The following CTNNA2 variants were observed in gnomAD, a reference collection of about 807,000 sequenced individuals.
CTNNA2 encodes catenin alpha-2.
Under a neutral mutation model 101.0 loss-of-function variants are expected in CTNNA2, and 42 were observed. That is an observed-to-expected ratio of 0.42 (90% CI 0.32 to 0.54). The LOEUF is 0.54. Among genes scored for constraint, CTNNA2 ranks in the 20% least tolerant of loss-of-function variants. The pLI is 0.14. For missense variants in CTNNA2, 871 were observed against 1,223.1 expected, an observed-to-expected ratio of 0.71 and a Z score of 4.29; for synonymous variants, 450 against 456.4, an observed-to-expected ratio of 0.99 and a Z score of 0.18.
intron 7 of CTNNA2, among the ~76,000 whole-genome samples, chr2:80,281,348 A>T (rs2149160771): frequency 6.6e-6 from 1 of 152,272 alleles, no homozygotes; most frequent in East Asian, 1.9e-4. Context: ...TAAAAAGGTC[A>T]GCTTCTGAGG....
rs1017151345 is a variant in CTNNA2, at chr2:80,302,018, A to C, written c.1057-91193A>C. The C allele has an allele frequency of 1.7e-5, 8 of 474,248 alleles. No homozygotes were observed. The highest frequency in any genetic ancestry group is 2.2e-5 in the Non-Finnish European group (6 of 274,158). 29.4% of individuals were successfully genotyped at this position (474,248 alleles called of 1,614,324 possible). A position where few individuals can be genotyped will look rare whatever the true frequency, so the allele number is the denominator to read the frequency against. Reference sequence around the variant, plus strand: ...GGAAGGAGTTCTCATATGAAATTTAAGATAGACTGTCCTGAAGGTTGTGGG... The same window carrying C: ...GGAAGGAGTTCTCATATGAAATTTACGATAGACTGTCCTGAAGGTTGTGGG... On this transcript the variant is annotated intron_variant, in intron 7 of 18. Transcript: ENST00000402739. The surrounding 1 kb of genome is among the most constrained non-coding windows in gnomAD (Gnocchi z 6.4).
chr2:79,268,615 G>A (rs1573007292), intron 2 of CTNNA2, among the ~76,000 whole-genome samples: 1 of 152,074 alleles, frequency 6.6e-6, no homozygotes, highest in Non-Finnish European at 1.5e-5. Context: ...GAAGCCAGGG[G>A]CAGTCTTGAG....
At chr2:79,588,520 C>G (rs1330909517) in intron 1 of CTNNA2, among the ~76,000 whole-genome samples, 10 of 152,050 alleles carry the variant, frequency 6.6e-5, no homozygotes. Flanking sequence ...TTTCTTATAA[C>G]TAAATGATAT....
intron 6 of CTNNA2, among the ~76,000 whole-genome samples, chr2:79,878,659 T>TC (rs1336152032): frequency 6.6e-6 from 1 of 152,208 alleles, no homozygotes; most frequent in East Asian, 1.9e-4. Flanking sequence ...TCATATCCTT[T>TC]CTCCACTTTT....
chr2:79,448,242 C>G (rs1678854501), intron 4 of CTNNA2, among the ~76,000 whole-genome samples: 1 of 151,988 alleles, frequency 6.6e-6, no homozygotes, highest in Non-Finnish European at 1.5e-5. Flanking sequence ...AGGAAACTCT[C>G]TCTGTATTTT....
chr2:79,189,331 A>G (rs1673822395), intron 1 of CTNNA2, among the ~76,000 whole-genome samples: 2 of 152,134 alleles, frequency 1.3e-5, no homozygotes, highest in South Asian at 4.1e-4. Flanking sequence ...GATTTTTTTC[A>G]AAGTGCCAAT....
intron 15 of CTNNA2, among the ~76,000 whole-genome samples, chr2:80,597,795 C>T (rs1452246007): frequency 3.9e-5 from 6 of 151,976 alleles, no homozygotes; most frequent in Non-Finnish European, 2.9e-5. Context: ...GTCAGAATGG[C>T]GATCATTAAA....
chr2:80,552,250 A>G (rs1458951193), intron 11 of CTNNA2, among the ~76,000 whole-genome samples: 1 of 152,176 alleles, frequency 6.6e-6, no homozygotes, highest in African/African-American at 2.4e-5. Context: ...ACAGGAAATG[A>G]GCACATGCTG....
At chr2:79,241,275 C>G (rs937416118) in intron 2 of CTNNA2, among the ~76,000 whole-genome samples, 1 of 151,920 alleles carries the variant, frequency 6.6e-6, no homozygotes, top group African/African-American at 2.4e-5. Context: ...CCTCATATGG[C>G]AATTGAAGAA....
chr2:80,213,189 A>C (rs2149039441), intron 7 of CTNNA2, among the ~76,000 whole-genome samples: 1 of 152,130 alleles, frequency 6.6e-6, no homozygotes, highest in Non-Finnish European at 1.5e-5. Flanking sequence ...GATTTTTTGA[A>C]GGGTTTTTTG....
intron 1 of CTNNA2, among the ~76,000 whole-genome samples, chr2:79,593,440 A>C (rs757466705): frequency 6.6e-6 from 1 of 152,152 alleles, no homozygotes; most frequent in Non-Finnish European, 1.5e-5. Context: ...TAAGCTTTAC[A>C]TTTCCGGTGT....
chr2:80,093,636 T>G lies in CTNNA2; in HGVS notation c.1056+183839T>G, dbSNP rs566564703. Among the ~76,000 whole-genome samples, 6 of 152,006 alleles carry G rather than the reference T, an allele frequency of 3.9e-5. No individual in the cohort carries two copies. In the South Asian group the frequency reaches 1.3e-3, roughly 32 times the overall value. On this transcript the variant is annotated intron_variant, in intron 7 of 18. Transcript: ENST00000402739. Reference sequence around the variant, plus strand: ...AGTCCCACCAACAGAGTAAAAGTGTTCCTATTTCTCCACATCCTCTCCAGC... The same window carrying G: ...AGTCCCACCAACAGAGTAAAAGTGTGCCTATTTCTCCACATCCTCTCCAGC...
At chr2:80,351,805 C>A (rs1673325928) in intron 7 of CTNNA2, among the ~76,000 whole-genome samples, 1 of 152,186 alleles carries the variant, frequency 6.6e-6, no homozygotes, top group South Asian at 2.1e-4. Flanking sequence ...CTAATTTTAT[C>A]TTTTTTCCAT....
intron 9 of CTNNA2, among the ~76,000 whole-genome samples, chr2:80,508,662 A>G (rs190278976): frequency 6.9e-6 from 1 of 145,502 alleles, no homozygotes; most frequent in East Asian, 2.0e-4. Context: ...GAACTGTGCT[A>G]TGGGATTTAT....
chr2:79,868,373 C>G (rs868696405), intron 4 of CTNNA2, among the ~76,000 whole-genome samples: 8 of 152,270 alleles, frequency 5.3e-5, no homozygotes, highest in Non-Finnish European at 8.8e-5. Context: ...CAACTCTTTC[C>G]TTACTAAAAT....
intron 3 of CTNNA2, among the ~76,000 whole-genome samples, chr2:79,342,895 T>G (rs1677169642): frequency 6.6e-6 from 1 of 152,188 alleles, no homozygotes; most frequent in African/African-American, 2.4e-5. Flanking sequence ...TAATACTCTT[T>G]AAGGGGCTAG....
At chr2:79,752,432 G>A (rs914356343) in intron 3 of CTNNA2, among the ~76,000 whole-genome samples, 5 of 152,126 alleles carry the variant, frequency 3.3e-5, no homozygotes, top group African/African-American at 1.2e-4. Flanking sequence ...CTAGACAGGT[G>A]TCATTAATTA....
chr2:80,510,975 C>A (rs1688660720), intron 9 of CTNNA2, among the ~76,000 whole-genome samples: 1 of 152,112 alleles, frequency 6.6e-6, no homozygotes, highest in Non-Finnish European at 1.5e-5. Flanking sequence ...CACTGTATTG[C>A]CCTTCCCAGG....
chr2:79,974,752 T>A (rs1301302734), intron 7 of CTNNA2, among the ~76,000 whole-genome samples: 1 of 152,134 alleles, frequency 6.6e-6, no homozygotes, highest in African/African-American at 2.4e-5. Flanking sequence ...GGGAGACAGA[T>A]AATACAAATT....
Sources: allele counts gnomAD v4.1 joint callset (sites outside exome capture counted in the v4.1 genomes callset), GRCh38; gene constraint gnomAD v4.1.1; non-coding constraint Gnocchi (gnomAD v3.1); transcripts MANE v1.5; gene names NCBI Gene and HGNC (gene_info 2026-07-23, HGNC 2026-07-21).